KATNA1: variants seen among roughly 807,000 people sequenced by gnomAD.
KATNA1 encodes katanin catalytic subunit A1.
Under a neutral mutation model 62.6 loss-of-function variants are expected in KATNA1, and 42 were observed. The ratio of observed to expected loss-of-function variants is 0.67; its 90% confidence interval spans 0.52 to 0.87. The LOEUF is 0.87. Among genes scored for constraint, KATNA1 ranks in the 40% least tolerant of loss-of-function variants. The pLI, the probability that KATNA1 is intolerant of heterozygous loss-of-function variation, is 0.00. For synonymous variants in KATNA1, 186 were observed against 201.9 expected (o/e 0.92, Z 0.67); for missense variants, 498 against 612.5 (o/e 0.81, Z 1.97).
intron 4 of KATNA1, among the ~76,000 whole-genome samples, chr6:149,614,708 A>C (rs1779096583): frequency 6.6e-6 from 1 of 152,220 alleles, no homozygotes; most frequent in Non-Finnish European, 1.5e-5. Context: ...CAGAAACTTG[A>C]GTCTACAAGT....
In KATNA1 at chr6:149,595,137, T is replaced by C. The variant is rs1213236452; in HGVS notation, c.1375A>G (p.Met459Val). 2.5e-6 allele frequency: 4 copies of C among 1,613,758 alleles called. No homozygotes were observed. The highest frequency in any genetic ancestry group is 3.4e-6 in the Non-Finnish European group (4 of 1,179,766). Residue 459 changes from methionine to valine, a missense_variant, in exon 11 of 11, where the codon ATG (methionine) becomes GTG (valine). Met to Val is a conservative substitution (Grantham distance 21). Transcript: ENST00000367411. ...TTTAAAGCCATCTCGAAATCCTCCATAGTTGTAGGCATGTGCATTTCTTCT... is the reference window on the plus strand; with the variant it reads ...TTTAAAGCCATCTCGAAATCCTCCACAGTTGTAGGCATGTGCATTTCTTCT... ...SKEEMHMPTT[M>V]EDFEMALKKV... is the part of the protein sequence containing the mutation.
At chr6:149,635,364 G>A (rs1349968104) in intron 2 of KATNA1, among the ~76,000 whole-genome samples, 3 of 152,182 alleles carry the variant, frequency 2.0e-5, no homozygotes, top group Non-Finnish European at 2.9e-5. Context: ...TATATATGGT[G>A]ATGGTTGTAC....
Position 149,604,653 on chromosome 6 carries a change from T to C in KATNA1, c.623+8A>G. The C allele has an allele frequency of 6.2e-7, 1 of 1,613,796 alleles. No individual in the cohort carries two copies. The highest frequency in any genetic ancestry group is 1.3e-5 in the African/African-American group (1 of 75,062). ...AGCACCCAATTATTTGGTTGTGATA[T>C]AACTTACCATCGAACATTGGGATTC... is the stretch of plus-strand genomic sequence containing the variant. On this transcript the variant is annotated splice_region_variant and intron_variant, in intron 5 of 10. Coordinates refer to ENST00000367411, the MANE Select transcript of KATNA1 (RefSeq NM_007044.4).
At chr6:149,597,369 A>G (rs1315221292) in intron 9 of KATNA1, 138 bp downstream of exon 9, 1 of 1,193,434 alleles carries the variant, frequency 8.4e-7, no homozygotes, top group Non-Finnish European at 1.2e-6. Context: ...ATTAAGGCAT[A>G]TAGCCAAACT....
intron 3 of KATNA1, among the ~76,000 whole-genome samples, chr6:149,627,710 A>G (rs569309525): frequency 1.3e-5 from 2 of 151,610 alleles, no homozygotes; most frequent in African/African-American, 4.9e-5. Context: ...AAGGGGCTAC[A>G]GGATCATCAG....
At chr6:149,612,440 C>T (rs140153051) in intron 4 of KATNA1, among the ~76,000 whole-genome samples, 121 of 152,170 alleles carry the variant, frequency 8.0e-4, no homozygotes, top group African/African-American at 2.8e-3. Flanking sequence ...ACCCAGGAGG[C>T]GGAGGTTGCA....
At chr6:149,640,002 T>C (rs578034813) in intron 1 of KATNA1, among the ~76,000 whole-genome samples, 14 of 152,344 alleles carry the variant, frequency 9.2e-5, no homozygotes, top group African/African-American at 3.4e-4. Context: ...ATTTTGAAGT[T>C]AGAAAAATCT....
chr6:149,625,501 G>A (rs533131320), intron 3 of KATNA1, among the ~76,000 whole-genome samples: 13 of 152,116 alleles, frequency 8.5e-5, no homozygotes, highest in Admixed American at 3.3e-4. Flanking sequence ...GTGGTGGCAC[G>A]CACTGGTAAT....
chr6:149,606,883 G>C (rs1224065106), intron 4 of KATNA1, among the ~76,000 whole-genome samples: 1 of 152,150 alleles, frequency 6.6e-6, no homozygotes, highest in Admixed American at 6.5e-5. Context: ...GCCTCCCAAA[G>C]TGCTGGGATT....
chr6:149,616,530 C>T (rs933216415), intron 4 of KATNA1, among the ~76,000 whole-genome samples: 4 of 152,114 alleles, frequency 2.6e-5, no homozygotes, highest in East Asian at 1.9e-4. Flanking sequence ...GAGGCCAAGG[C>T]GGGCAGATCA....
intron 4 of KATNA1, among the ~76,000 whole-genome samples, chr6:149,607,939 A>G (rs1778803239): frequency 6.7e-6 from 1 of 150,258 alleles, no homozygotes; most frequent in South Asian, 2.1e-4. Context: ...GATGGTTCAC[A>G]CCTGTAATCC....
At chr6:149,596,569 T>C (rs1363161799) in intron 10 of KATNA1, among the ~76,000 whole-genome samples, 1 of 151,966 alleles carries the variant, frequency 6.6e-6, no homozygotes, top group East Asian at 1.9e-4. Context: ...TGGGTCTTTA[T>C]TCATCTTTTT....
intron 4 of KATNA1, among the ~76,000 whole-genome samples, chr6:149,609,695 C>T (rs1166159921): frequency 6.6e-6 from 1 of 150,976 alleles, no homozygotes; most frequent in Non-Finnish European, 1.5e-5. Flanking sequence ...CCTAGCTACT[C>T]GGGAGGCTGA....
At chr6:149,608,170 T>A (rs534323444) in intron 4 of KATNA1, among the ~76,000 whole-genome samples, 1 of 152,358 alleles carries the variant, frequency 6.6e-6, no homozygotes, top group Non-Finnish European at 1.5e-5. Flanking sequence ...AGCTGGGTTC[T>A]CATTTCCAGG....
intron 1 of KATNA1, among the ~76,000 whole-genome samples, chr6:149,645,664 T>G (rs2114646150): frequency 6.6e-6 from 1 of 152,300 alleles, no homozygotes; most frequent in African/African-American, 2.4e-5. Flanking sequence ...TCCTTTACAT[T>G]ATTCTAACAG....
chr6:149,602,383 CAT>C (rs914776331), intron 6 of KATNA1, among the ~76,000 whole-genome samples: 103 of 151,736 alleles, frequency 6.8e-4, no homozygotes, highest in African/African-American at 2.4e-3. Context: ...AAACAAAATA[CAT>C]ATATATATAT....
intron 1 of KATNA1, among the ~76,000 whole-genome samples, chr6:149,639,694 G>T (rs1006940771): frequency 6.6e-6 from 1 of 152,094 alleles, no homozygotes; most frequent in Non-Finnish European, 1.5e-5. Flanking sequence ...AGCTCAGATG[G>T]CAGTTTTCCT....
rs1257612492 is a variant in KATNA1, at chr6:149,597,522, T to C, written c.1135A>G (p.Ile379Val). ...LRRRLEKRIYIPLPSAKGREE... is the reference protein window; with the variant it reads ...LRRRLEKRIYVPLPSAKGREE... ...AGGAAGATACCTGACGGCAAAGGAA[T>C]ATAGATTCGTTTCTCAAGGCGTCGT... Residue 379 changes from isoleucine (I) to valine (V), a missense_variant, in exon 9 of 11, where the codon ATT (isoleucine) becomes GTT (valine). By Grantham distance (29) the Ile-to-Val change is conservative. This residue lies in a region of KATNA1 where 267 missense variants were observed against 372.6 expected (regional missense o/e 0.72). Transcript: ENST00000367411. 5 of 1,614,106 alleles carry C rather than the reference T, an allele frequency of 3.1e-6. No homozygotes were observed. Among genetic ancestry groups the C allele is most frequent in the East Asian group, 4.5e-5 (2 of 44,852 alleles).
At chr6:149,613,085 C>G (rs1779019785) in intron 4 of KATNA1, among the ~76,000 whole-genome samples, 1 of 143,910 alleles carries the variant, frequency 6.9e-6, no homozygotes, top group Non-Finnish European at 1.5e-5. Context: ...GAGGCTGAGG[C>G]AGGAGAATGG....
Sources: gnomAD v4.1 joint callset for allele counts (sites outside exome capture counted in the v4.1 genomes callset) on GRCh38, gnomAD v4.1.1 for gene constraint, gnomAD v4.1.1 regional missense constraint, MANE v1.5 for transcripts, NCBI Gene and HGNC (gene_info 2026-07-23, HGNC 2026-07-21) for gene names.